Variants in PRKCB observed in about 807,000 individuals in gnomAD.
The protein encoded by PRKCB is protein kinase C beta.
In PRKCB, 13 loss-of-function variants were observed where a neutral mutation model predicts 81.5. The observed-to-expected ratio is 0.16, with a 90% CI of 0.10 to 0.25. The LOEUF (loss-of-function observed/expected upper bound fraction) is 0.25. Ranked by LOEUF, PRKCB falls within the 10% of genes least tolerant of loss-of-function variation. The pLI is 1.00. For missense variants in PRKCB, 509 were observed against 875.7 expected (o/e 0.58, Z 5.29); for synonymous variants, 335 against 321.4 (o/e 1.04, Z -0.45).
intron 2 of PRKCB, among the ~76,000 whole-genome samples, chr16:23,957,456 C>T (rs997350842): frequency 2.0e-5 from 3 of 152,076 alleles, no homozygotes; most frequent in Non-Finnish European, 4.4e-5. Flanking sequence ...GAGTACCCAC[C>T]CAAAGCCCCA....
chr16:23,994,220 C>T (rs1054104847), intron 3 of PRKCB, among the ~76,000 whole-genome samples: 31 of 152,102 alleles, frequency 2.0e-4, no homozygotes, highest in African/African-American at 7.2e-4. Context: ...GTCACTTGTC[C>T]CTCCAGTCAG....
chr16:24,041,162 G>A (rs138541542), intron 5 of PRKCB, among the ~76,000 whole-genome samples: 157 of 151,556 alleles, frequency 1.0e-3, no homozygotes, highest in Admixed American at 3.1e-3. Context: ...CCATTCTCCT[G>A]CCTCAGCCTC....
chr16:24,108,832 A>G (rs1378491230), intron 7 of PRKCB, among the ~76,000 whole-genome samples: 3 of 151,884 alleles, frequency 2.0e-5, no homozygotes, highest in Non-Finnish European at 4.4e-5. Context: ...CAAAGCCGCC[A>G]TTGTCATCCT....
chr16:23,961,974 C>G (rs141427227), intron 2 of PRKCB, among the ~76,000 whole-genome samples: 1 of 152,034 alleles, frequency 6.6e-6, no homozygotes, highest in Non-Finnish European at 1.5e-5. Flanking sequence ...GAGGTGATTT[C>G]GCAAAGGAAA....
At chr16:24,180,067 C>T (rs1337444754) in intron 12 of PRKCB, among the ~76,000 whole-genome samples, 3 of 152,228 alleles carry the variant, frequency 2.0e-5, no homozygotes, top group Admixed American at 2.0e-4. Context: ...GCCTCAGCTT[C>T]CCGAGTAGCT....
intron 3 of PRKCB, among the ~76,000 whole-genome samples, chr16:24,017,892 A>ATTT (rs35809970): frequency 0.031 from 3,502 of 113,198 alleles, 122 homozygotes; most frequent in African/African-American, 0.053. Flanking sequence ...ACCATAACTA[A>ATTT]TTTTTTTTTT....
At chr16:24,081,777 A>G (rs1966253167) in intron 5 of PRKCB, among the ~76,000 whole-genome samples, 1 of 152,144 alleles carries the variant, frequency 6.6e-6, no homozygotes, top group African/African-American at 2.4e-5. Flanking sequence ...GGGAGTAGGC[A>G]GGAGAATTGC....
At chr16:23,930,318 C>A (rs112955620) in intron 2 of PRKCB, among the ~76,000 whole-genome samples, 91 of 152,196 alleles carry the variant, frequency 6.0e-4, no homozygotes, top group Non-Finnish European at 8.8e-4. Flanking sequence ...CCTATAATCC[C>A]AGCACTTTGG....
chr16:23,989,733 G>A (rs1034659390), intron 3 of PRKCB, among the ~76,000 whole-genome samples: 1 of 152,118 alleles, frequency 6.6e-6, no homozygotes, highest in Non-Finnish European at 1.5e-5. Context: ...TTAAAGTTTA[G>A]GGTACATTGT....
chr16:24,085,294 C>T (rs1020774210), intron 5 of PRKCB, among the ~76,000 whole-genome samples: 10 of 152,092 alleles, frequency 6.6e-5, no homozygotes, highest in African/African-American at 2.2e-4. Context: ...ATGGATGATA[C>T]GTTTGACTTC....
chr16:24,213,637 G>C (rs73550430), intron 16 of PRKCB, among the ~76,000 whole-genome samples: 1 of 152,188 alleles, frequency 6.6e-6, no homozygotes, highest in Non-Finnish European at 1.5e-5. Flanking sequence ...TATACTATTA[G>C]GTTGTGGTTA....
intron 9 of PRKCB, among the ~76,000 whole-genome samples, chr16:24,142,355 A>G (rs1049412929): frequency 1.3e-5 from 2 of 152,230 alleles, no homozygotes; most frequent in Non-Finnish European, 2.9e-5. Context: ...TGCAGAAGTT[A>G]ACCTCCATTT....
intron 10 of PRKCB, among the ~76,000 whole-genome samples, chr16:24,170,016 A>G (rs1191804160): frequency 6.6e-6 from 1 of 152,192 alleles, no homozygotes; most frequent in Non-Finnish European, 1.5e-5. Flanking sequence ...TCCTGACCTC[A>G]GGAGATCTGC....
chr16:24,018,060 A>G (rs968180446), intron 3 of PRKCB, among the ~76,000 whole-genome samples: 13 of 151,628 alleles, frequency 8.6e-5, no homozygotes, highest in Admixed American at 2.6e-4. Context: ...CACCACGCCC[A>G]GCTAATTTTT....
At chr16:23,867,362 T>TGG (rs1259403446) in intron 2 of PRKCB, among the ~76,000 whole-genome samples, 2 of 152,154 alleles carry the variant, frequency 1.3e-5, no homozygotes, top group Admixed American at 6.5e-5. Flanking sequence ...CCTCAGGTGA[T>TGG]CCACCGGCCT....
chr16:24,099,189 C>T (rs889747781), intron 7 of PRKCB: 48 of 152,332 alleles, frequency 3.2e-4, no homozygotes, highest in African/African-American at 1.2e-3. Context: ...CACAATTTTA[C>T]ACAGCACTGA....
At chr16:24,009,481 A>G (rs1438483183) in intron 3 of PRKCB, among the ~76,000 whole-genome samples, 4 of 150,224 alleles carry the variant, frequency 2.7e-5, no homozygotes, top group African/African-American at 9.8e-5. Context: ...CTGGAGTGCA[A>G]TGGCGTGATC....
chr16:23,869,107 C>T (rs746615092), intron 2 of PRKCB: 1 of 453,808 alleles, frequency 2.2e-6, no homozygotes. Context: ...TACATGTCTA[C>T]TTGCAGAAGG....
At chr16:24,064,018 T>A (rs1373666099) in intron 5 of PRKCB, among the ~76,000 whole-genome samples, 1 of 152,166 alleles carries the variant, frequency 6.6e-6, no homozygotes, top group Non-Finnish European at 1.5e-5. Context: ...TGTGATTCCG[T>A]TTTTGTACAG....
Sources: allele counts gnomAD v4.1 joint callset (sites outside exome capture counted in the v4.1 genomes callset), GRCh38; gene constraint gnomAD v4.1.1; transcripts MANE v1.5; gene names NCBI Gene and HGNC (gene_info 2026-07-23, HGNC 2026-07-21).